SLC22A24: variants seen among roughly 807,000 people sequenced by gnomAD.
SLC22A24 encodes solute carrier family 22 member 24, also known as steroid transmembrane transporter SLC22A24.
SLC22A24 carries 53 observed loss-of-function variants against 49.8 expected under a neutral mutation model. The ratio of observed to expected loss-of-function variants is 1.06; its 90% CI spans 0.85 to 1.34. The LOEUF is 1.34. SLC22A24 is among the 40% of genes most tolerant of loss of function. The pLI is 0.00. For missense variants in SLC22A24, 786 were observed against 675.9 expected, an observed-to-expected ratio of 1.16 and a Z score of -1.81; for synonymous variants, 302 against 256.4, an observed-to-expected ratio of 1.18 and a Z score of -1.70.
At chr11:63,118,592 C>A (rs1276275464) in intron 4 of SLC22A24, 2 of 527,876 alleles carry the variant, frequency 3.8e-6, no homozygotes, top group South Asian at 6.0e-5. Context: ...GACAAAAGCC[C>A]CCAAATTATC....
Position 63,079,981 on chromosome 11 carries a change from T to C in SLC22A24, c.1618A>G (p.Ile540Val), listed in dbSNP as rs7945121. ...VENDRKDSRNIKQEDTCMKVT... is the reference protein window; with the variant it reads ...VENDRKDSRNVKQEDTCMKVT... ...TTCATGCAAGTATCTTCCTGCTTTATGTTTCTTGAATCTTTTCTGCTGAGA... is the reference window on the plus strand; with the variant it reads ...TTCATGCAAGTATCTTCCTGCTTTACGTTTCTTGAATCTTTTCTGCTGAGA... The change falls in exon 10 of 10, where the codon ATA (isoleucine) becomes GTA (valine). Residue 540 changes from isoleucine (I) to valine (V), a missense_variant. Transcript: ENST00000612278. The C allele has an allele frequency of 0.8, 1,234,639 of 1,539,884 alleles. 497,093 individuals are homozygous for C. Among genetic ancestry groups the C allele is most frequent in the Admixed American group, 0.86 (43,904 of 50,938 alleles).
chr11:63,093,881 A>T (rs1447125118), intron 6 of SLC22A24, among the ~76,000 whole-genome samples: 1 of 152,136 alleles, frequency 6.6e-6, no homozygotes, highest in Non-Finnish European at 1.5e-5. Context: ...TTAAATTTAC[A>T]ATGTGATACT....
chr11:63,140,175 G>A (rs1238609502), intron 1 of SLC22A24, among the ~76,000 whole-genome samples: 1 of 146,854 alleles, frequency 6.8e-6, no homozygotes, highest in African/African-American at 2.5e-5. Context: ...GCTGCCTCCT[G>A]GATTCAAGCA....
At chr11:63,094,923 G>T (rs186877142) in intron 6 of SLC22A24, among the ~76,000 whole-genome samples, 33 of 152,080 alleles carry the variant, frequency 2.2e-4, no homozygotes, top group East Asian at 5.8e-4. Flanking sequence ...TTCTCCCATT[G>T]TGTAGGTTGC....
intron 8 of SLC22A24, 126 bp downstream of exon 8, chr11:63,081,432 A>G: frequency 1.4e-6 from 1 of 726,122 alleles, no homozygotes; most frequent in Non-Finnish European, 2.4e-6. Flanking sequence ...GCTCTCAGTT[A>G]CTCTGTTCAT....
intron 1 of SLC22A24, among the ~76,000 whole-genome samples, chr11:63,135,218 C>T (rs903699311): frequency 6.6e-6 from 1 of 152,184 alleles, no homozygotes; most frequent in Non-Finnish European, 1.5e-5. Flanking sequence ...ATGAGCTCTA[C>T]CTTTGACTTC....
intron 2 of SLC22A24, among the ~76,000 whole-genome samples, chr11:63,132,254 A>G (rs1261007536): frequency 6.6e-6 from 1 of 152,230 alleles, no homozygotes; most frequent in East Asian, 1.9e-4. Flanking sequence ...GAAGTTTGTT[A>G]TTACCAACCT....
Position 63,139,145 on chromosome 11 carries a change from T to A in SLC22A24, c.402+4233A>T, listed in dbSNP as rs749879414. Among the ~76,000 whole-genome samples, 239 of 152,162 alleles carry A rather than the reference T, an allele frequency of 1.6e-3. 7 individuals carry two copies. Among genetic ancestry groups the A allele is most frequent in the Non-Finnish European group, 4.1e-4 (28 of 68,036 alleles). ...GGAACTTGTTTTTCTGGAAAAAGCT[T>A]TTTTCTTCTCAGTCAACTGAAATAT... is the stretch of plus-strand genomic sequence containing the variant. On this transcript the variant is annotated intron_variant, in intron 1 of 9. Transcript: ENST00000612278.
At chr11:63,084,055 C>A (rs762310077) in intron 6 of SLC22A24, among the ~76,000 whole-genome samples, 1 of 152,122 alleles carries the variant, frequency 6.6e-6, no homozygotes, top group Non-Finnish European at 1.5e-5. Flanking sequence ...TCAACAATAT[C>A]TTTTTACCCT....
At chr11:63,093,564 T>A (rs116559741) in intron 6 of SLC22A24, among the ~76,000 whole-genome samples, 3,239 of 151,722 alleles carry the variant, frequency 0.021, 103 homozygotes, top group African/African-American at 0.072. Context: ...GGGCTGGAGG[T>A]TATTATCCTT....
chr11:63,091,666 A>G (rs1459013172), intron 6 of SLC22A24, among the ~76,000 whole-genome samples: 2 of 152,226 alleles, frequency 1.3e-5, no homozygotes, highest in African/African-American at 4.8e-5. Context: ...CCACATGATT[A>G]TCTCAATAGA....
chr11:63,091,628 A>G (rs1455432659), intron 6 of SLC22A24, among the ~76,000 whole-genome samples: 3 of 152,188 alleles, frequency 2.0e-5, no homozygotes, highest in African/African-American at 7.2e-5. Context: ...AACATAATCC[A>G]TCACATAAAC....
intron 4 of SLC22A24, among the ~76,000 whole-genome samples, chr11:63,108,137 G>C (rs542685738): frequency 6.6e-6 from 1 of 152,016 alleles, no homozygotes; most frequent in Non-Finnish European, 1.5e-5. Flanking sequence ...AGAGTTTTTC[G>C]CATGCAGGGC....
chr11:63,106,285 G>T (rs1411897801), intron 4 of SLC22A24, among the ~76,000 whole-genome samples: 2 of 152,034 alleles, frequency 1.3e-5, no homozygotes, highest in African/African-American at 4.8e-5. Context: ...TGGCTGCATT[G>T]TATTTCATGG....
chr11:63,086,456 G>T (rs890319546), intron 6 of SLC22A24, among the ~76,000 whole-genome samples: 2 of 152,220 alleles, frequency 1.3e-5, no homozygotes, highest in South Asian at 4.1e-4. Flanking sequence ...AATACCACAT[G>T]TTCTCACTTA....
chr11:63,119,989 G>T (rs866824516), intron 2 of SLC22A24, among the ~76,000 whole-genome samples: 215 of 151,802 alleles, frequency 1.4e-3, no homozygotes, highest in African/African-American at 4.8e-3. Flanking sequence ...TCTTGTAAAT[G>T]TGTTTGAGTT....
intron 2 of SLC22A24, among the ~76,000 whole-genome samples, chr11:63,125,805 C>A (rs772222526): frequency 5.9e-5 from 9 of 152,198 alleles, no homozygotes; most frequent in Non-Finnish European, 1.3e-4. Flanking sequence ...TCTCCACATC[C>A]TCTCCAGCAT....
intron 1 of SLC22A24, among the ~76,000 whole-genome samples, chr11:63,138,664 A>G (rs894141539): frequency 2.0e-5 from 3 of 149,954 alleles, no homozygotes; most frequent in Non-Finnish European, 3.0e-5. Context: ...AAAAAAAAAA[A>G]AAAAAGAAAT....
At chr11:63,138,181 A>G (rs1234704251) in intron 1 of SLC22A24, among the ~76,000 whole-genome samples, 1 of 152,126 alleles carries the variant, frequency 6.6e-6, no homozygotes, top group Non-Finnish European at 1.5e-5. Flanking sequence ...TGAAGCCAAT[A>G]CTGTATGAGA....
Sources: gnomAD v4.1 joint callset for allele counts (sites outside exome capture counted in the v4.1 genomes callset) on GRCh38, gnomAD v4.1.1 for gene constraint, MANE v1.5 for transcripts, NCBI Gene and HGNC (gene_info 2026-07-23, HGNC 2026-07-21) for gene names.